The following KIAA0513 variants were observed in gnomAD, a reference collection of about 807,000 sequenced individuals.
KIAA0513 encodes the protein uncharacterized protein KIAA0513.
In KIAA0513, 39 loss-of-function variants were observed where a neutral mutation model predicts 56.5. The ratio of observed to expected loss-of-function variants is 0.69; its 90% CI spans 0.53 to 0.90. The LOEUF (loss-of-function observed/expected upper bound fraction) is 0.90, where lower values mean the gene tolerates loss of function less well. Among genes scored for constraint, KIAA0513 ranks in the 40% least tolerant of loss-of-function variants. KIAA0513 has a pLI of 0.00. For synonymous variants in KIAA0513, 268 were observed against 215.6 expected (o/e 1.24, Z -2.13); for missense variants, 591 against 535.2 (o/e 1.10, Z -1.03).
At chr16:85,059,033 A>G (rs529090708) in intron 1 of KIAA0513, among the ~76,000 whole-genome samples, 3 of 152,330 alleles carry the variant, frequency 2.0e-5, no homozygotes, top group African/African-American at 7.2e-5. Context: ...AGCAACGCAA[A>G]CACACTGACA....
chr16:85,062,946 T>C (rs932756881), intron 1 of KIAA0513, among the ~76,000 whole-genome samples: 1 of 152,136 alleles, frequency 6.6e-6, no homozygotes, highest in Non-Finnish European at 1.5e-5. Context: ...TCCCTTGCCA[T>C]GACTACACAC....
Position 85,077,344 on chromosome 16 carries a change from G to A in KIAA0513, c.575-81G>A, listed in dbSNP as rs370075510. 387 of 1,352,652 alleles carry A rather than the reference G, an allele frequency of 2.9e-4. 4 individuals are homozygous for A. Among genetic ancestry groups the A allele is most frequent in the Middle Eastern group, 1.9e-3 (10 of 5,358 alleles). 83.8% of individuals were successfully genotyped at this position (1,352,652 alleles called of 1,614,324 possible). A position where few individuals can be genotyped will look rare whatever the true frequency, so the allele number is the denominator to read the frequency against. Reference sequence around the variant, plus strand: ...TATCCCCACTGCACAGGACCCCTGCGGGGCTCCCTCTGGGCCTCTGCAGTT... The same window carrying A: ...TATCCCCACTGCACAGGACCCCTGCAGGGCTCCCTCTGGGCCTCTGCAGTT... On this transcript the variant is annotated intron_variant, in intron 5 of 12. Coordinates refer to ENST00000683363, the MANE Select transcript of KIAA0513 (RefSeq NM_001388359.1).
rs1409397177 is a variant in KIAA0513 at position 85,048,232 on chromosome 16, G to A, written c.-172-18668G>A. Among the ~76,000 whole-genome samples, 3 of 152,162 alleles carry A rather than the reference G, an allele frequency of 2.0e-5. No individual in the cohort carries two copies. In the East Asian group the frequency reaches 5.8e-4, roughly 29 times the overall value. On this transcript the variant is annotated intron_variant, in intron 1 of 12. Transcript: ENST00000683363. Reference sequence around the variant, plus strand: ...TCTTTCCATGTGCACCTTGCAGAGGGAGGAGGGAAGCCCTCTGCACCCACC... The same window carrying A: ...TCTTTCCATGTGCACCTTGCAGAGGAAGGAGGGAAGCCCTCTGCACCCACC...
At chr16:85,055,493 C>T (rs1204035832) in intron 1 of KIAA0513, among the ~76,000 whole-genome samples, 2 of 152,226 alleles carry the variant, frequency 1.3e-5, no homozygotes, top group African/African-American at 4.8e-5. Flanking sequence ...TGCTAAAACT[C>T]AGTGTACTGT....
chr16:85,036,393 G>A (rs994133617), intron 1 of KIAA0513, among the ~76,000 whole-genome samples: 3 of 152,052 alleles, frequency 2.0e-5, no homozygotes, highest in Non-Finnish European at 4.4e-5. Context: ...CTGTGGATTC[G>A]CCTGCTCTGG....
intron 1 of KIAA0513, among the ~76,000 whole-genome samples, chr16:85,050,601 C>A (rs2143918895): frequency 6.6e-6 from 1 of 152,278 alleles, no homozygotes. Context: ...CAGGCGTGAG[C>A]CGCCGTGCCC....
rs2073760800 is a variant in KIAA0513, at chr16:85,082,704, G to C, written c.1010+111G>C. 2.6e-6 allele frequency: 3 copies of C among 1,175,502 alleles called. No individual in the cohort carries two copies. In the African/African-American group the frequency reaches 4.6e-5, roughly 18 times the overall value. The allele number at this position is 1,175,502 out of a possible 1,614,324, so 72.8% of individuals were successfully genotyped here. On this transcript the variant is annotated intron_variant, in intron 10 of 12. Transcript: ENST00000683363. ...GAGCTGCTGCAGCAGGCACAGCCCA[G>C]ACGCAGGTGCAGCCTGGTGGCCGGC... is the stretch of plus-strand genomic sequence containing the variant.
chr16:85,032,154 G>C (rs1452262104), intron 1 of KIAA0513, among the ~76,000 whole-genome samples: 1 of 152,202 alleles, frequency 6.6e-6, no homozygotes, highest in East Asian at 1.9e-4. Flanking sequence ...TCTACTGGTG[G>C]CCGGTGATCC....
rs1029681067 is a variant in KIAA0513 at position 85,090,723 on chromosome 16, T to C, written c.*2398T>C. On this transcript the variant is annotated 3_prime_UTR_variant, in exon 13 of 13. Coordinates refer to ENST00000683363, the MANE Select transcript of KIAA0513 (RefSeq NM_001388359.1). ...TCCTCTGTGCTCCATCCACACAGGA[T>C]GCCGGAGAGACAGCCCCTTGTGCTG... 2 of 152,286 alleles carry C rather than the reference T, an allele frequency of 1.3e-5. No individual in the cohort carries two copies. The highest frequency in any genetic ancestry group is 6.5e-5 in the Admixed American group (1 of 15,282). 9.4% of individuals were successfully genotyped at this position (152,286 alleles called of 1,614,324 possible).
chr16:85,058,861 G>T (rs1219694578), intron 1 of KIAA0513, among the ~76,000 whole-genome samples: 3 of 152,192 alleles, frequency 2.0e-5, no homozygotes, highest in Non-Finnish European at 4.4e-5. Flanking sequence ...GAATTTGTCA[G>T]ATCAAGAGAA....
At chr16:85,073,424 T>A (rs2073608851) in intron 4 of KIAA0513, among the ~76,000 whole-genome samples, 1 of 152,218 alleles carries the variant, frequency 6.6e-6, no homozygotes, top group South Asian at 2.1e-4. Flanking sequence ...CTGCGAACAC[T>A]GATTAGGCAC....
chr16:85,027,883 G>C (rs2072909646), intron 1 of KIAA0513, 25 bp downstream of exon 1: 1 of 152,146 alleles, frequency 6.6e-6, no homozygotes, highest in Admixed American at 6.5e-5. Context: ...CCTCAGGCCG[G>C]CCTGACAGGC....
intron 1 of KIAA0513, among the ~76,000 whole-genome samples, chr16:85,050,247 A>T (rs939901422): frequency 5.1e-4 from 78 of 152,140 alleles, no homozygotes; most frequent in African/African-American, 1.8e-3. Context: ...GTGTGAGGTG[A>T]CTTGAGTTGG....
intron 1 of KIAA0513, among the ~76,000 whole-genome samples, chr16:85,039,072 A>G (rs1012132511): frequency 1.3e-5 from 2 of 152,188 alleles, no homozygotes; most frequent in Admixed American, 6.5e-5. Context: ...TGTCTCTTTC[A>G]CCCGGAGCAA....
At position 85,088,273 on chromosome 16, in the gene KIAA0513, C is replaced by G. The variant is rs763974216; in HGVS notation, c.1187-3C>G. ...TGAGAAATAACATCACTTTCTCTTC[C>G]AGAGCAATACAAGCTGCTTAGTGAC... On this transcript the variant is annotated splice_polypyrimidine_tract_variant and splice_region_variant and intron_variant, in intron 12 of 12. Transcript: ENST00000683363. 3 of 1,612,388 alleles carry G rather than the reference C, an allele frequency of 1.9e-6. No homozygotes were observed. The highest frequency in any genetic ancestry group is 2.5e-6 in the Non-Finnish European group (3 of 1,179,580).
intron 1 of KIAA0513, among the ~76,000 whole-genome samples, chr16:85,058,593 G>C (rs1458065590): frequency 6.6e-6 from 1 of 151,400 alleles, no homozygotes; most frequent in Non-Finnish European, 1.5e-5. Context: ...CAAAGGTTGC[G>C]GTGAGCCAAG....
rs1237291873 is a variant in KIAA0513, at chr16:85,071,825, C to T, written c.372C>T (p.Tyr124=). ...DQEEKAKFGE[Y]CSSENGKGRE... is the part of the protein sequence containing the mutation. ...AGGAGAAAGCCAAGTTTGGAGAGTA[C>T]TGCAGCAGTGAAAATGGAAAAGGCC... Residue 124 remains tyrosine, a synonymous_variant, in exon 3 of 13, where the codon TAC becomes TAT. Transcript: ENST00000683363. The T allele has an allele frequency of 6.3e-7, 1 of 1,598,328 alleles. No individual in the cohort carries two copies. The highest frequency in any genetic ancestry group is 8.5e-7 in the Non-Finnish European group (1 of 1,175,508).
chr16:85,086,991 C>G, intron 11 of KIAA0513, 81 bp from the exon 12 acceptor site: 1 of 1,320,314 alleles, frequency 7.6e-7, no homozygotes, highest in Non-Finnish European at 1.1e-6. Flanking sequence ...CCATGGTGGG[C>G]GTCCCAGAGA....
At position 85,074,067 on chromosome 16, in the gene KIAA0513, C is replaced by T. The variant is rs375672419; in HGVS notation, c.503+1069C>T. Among the ~76,000 whole-genome samples the T allele has an allele frequency of 3.3e-3, 506 of 152,132 alleles. 3 individuals are homozygous for T. The highest frequency in any genetic ancestry group is 0.011 in the African/African-American group (457 of 41,484). On this transcript the variant is annotated intron_variant, in intron 4 of 12. Coordinates refer to ENST00000683363, the MANE Select transcript of KIAA0513 (RefSeq NM_001388359.1). Reference sequence around the variant, plus strand: ...TCAGCTCACTGCAACCTCCGCCTCCCGGTTTCAAGCAATTCTCCTGCCTCA... The same window carrying T: ...TCAGCTCACTGCAACCTCCGCCTCCTGGTTTCAAGCAATTCTCCTGCCTCA...
Sources: allele counts gnomAD v4.1 joint callset (sites outside exome capture counted in the v4.1 genomes callset), GRCh38; gene constraint gnomAD v4.1.1; transcripts MANE v1.5; gene names NCBI Gene and HGNC (gene_info 2026-07-23, HGNC 2026-07-21).